Variants in STAU2 observed in about 807,000 individuals in gnomAD.
STAU2 encodes double-stranded RNA-binding protein Staufen homolog 2.
In STAU2, 20 loss-of-function variants were observed where a neutral mutation model predicts 65.9. The observed-to-expected ratio is 0.30, with a 90% confidence interval of 0.21 to 0.44. The LOEUF (loss-of-function observed/expected upper bound fraction) is 0.44, where lower values mean the gene tolerates loss of function less well. Ranked by LOEUF, STAU2 falls within the 20% of genes least tolerant of loss-of-function variation. STAU2 has a pLI of 1.00. For missense variants in STAU2, 558 were observed against 683.9 expected (o/e 0.82, Z 2.05); for synonymous variants, 232 against 233.9 (o/e 0.99, Z 0.07).
chr8:73,461,216 G>T (rs1819332802), intron 13 of STAU2, among the ~76,000 whole-genome samples: 1 of 152,186 alleles, frequency 6.6e-6, no homozygotes, highest in African/African-American at 2.4e-5. Flanking sequence ...TTAGCAGAGT[G>T]CTTGGCACAC....
chr8:73,613,059 T>C (rs1291082221), intron 9 of STAU2, among the ~76,000 whole-genome samples: 2 of 152,234 alleles, frequency 1.3e-5, no homozygotes, highest in Non-Finnish European at 2.9e-5. Flanking sequence ...GTGTGCTCTA[T>C]ATTCTTCTTT....
chr8:73,679,910 C>A (rs1372430984), intron 5 of STAU2, among the ~76,000 whole-genome samples: 1 of 142,656 alleles, frequency 7.0e-6, no homozygotes. Context: ...AAAACAAAAA[C>A]AAAAACAAAA....
At chr8:73,684,289 C>T (rs1035339041) in intron 5 of STAU2, among the ~76,000 whole-genome samples, 5 of 152,062 alleles carry the variant, frequency 3.3e-5, no homozygotes, top group African/African-American at 9.7e-5. Flanking sequence ...GAATAGAGAA[C>T]CCAGAAATAA....
chr8:73,608,927 G>A (rs7832326), intron 9 of STAU2, among the ~76,000 whole-genome samples: 84,958 of 151,920 alleles, frequency 0.56, 26,578 homozygotes, highest in East Asian at 0.74. Flanking sequence ...GCAGTGAGCC[G>A]AGACAGTGCC....
At chr8:73,571,753 T>C (rs1809108636) in intron 12 of STAU2, among the ~76,000 whole-genome samples, 1 of 152,190 alleles carries the variant, frequency 6.6e-6, no homozygotes, top group South Asian at 2.1e-4. Flanking sequence ...AAGCAGTGTA[T>C]AGAGGGAAAT....
intron 13 of STAU2, among the ~76,000 whole-genome samples, chr8:73,521,026 G>A (rs891899901): frequency 2.6e-5 from 4 of 152,044 alleles, no homozygotes; most frequent in African/African-American, 9.7e-5. Context: ...AGACCATCTC[G>A]TACTGCAAAA....
intron 5 of STAU2, among the ~76,000 whole-genome samples, chr8:73,676,838 C>G (rs1818059734): frequency 6.6e-6 from 1 of 152,194 alleles, no homozygotes; most frequent in Non-Finnish European, 1.5e-5. Context: ...TCAAGTGATC[C>G]ACCCACCTTG....
chr8:73,681,586 G>A (rs1818437956), intron 5 of STAU2, among the ~76,000 whole-genome samples: 1 of 152,074 alleles, frequency 6.6e-6, no homozygotes, highest in African/African-American at 2.4e-5. Context: ...AGGTATTGGG[G>A]CAACAACTAG....
intron 13 of STAU2, among the ~76,000 whole-genome samples, chr8:73,468,849 C>T (rs570186378): frequency 1.1e-4 from 16 of 152,200 alleles, no homozygotes; most frequent in African/African-American, 2.9e-4. Context: ...ACTTTTACAC[C>T]GTTGGTGGGA....
intron 6 of STAU2, 134 bp from the exon 7 acceptor site, chr8:73,617,585 CTTT>C: frequency 1.2e-6 from 1 of 828,032 alleles, no homozygotes; most frequent in Non-Finnish European, 1.8e-6. Context: ...CAAAAACATA[CTTT>C]TTTGATAAAA....
intron 13 of STAU2, among the ~76,000 whole-genome samples, chr8:73,504,913 C>T (rs1312107311): frequency 6.6e-6 from 1 of 151,958 alleles, no homozygotes; most frequent in Non-Finnish European, 1.5e-5. Context: ...TGTAACTATT[C>T]AGAAGAAAAA....
At chr8:73,746,099 G>C (rs983346887) in intron 1 of STAU2, among the ~76,000 whole-genome samples, 2 of 152,074 alleles carry the variant, frequency 1.3e-5, no homozygotes, top group African/African-American at 2.4e-5. Flanking sequence ...GTAGGAGTTC[G>C]TAACAGCCAC....
intron 14 of STAU2, 37 bp downstream of exon 14, chr8:73,422,577 T>C: frequency 6.9e-7 from 1 of 1,445,476 alleles, no homozygotes; most frequent in African/African-American, 1.4e-5. Context: ...ACAGTTACAA[T>C]TAAAAGTGTA....
rs1819711906 is a variant in STAU2 at position 73,696,691 on chromosome 8, G to C, written c.115-7878C>G. On this transcript the variant is annotated intron_variant, in intron 4 of 14. Coordinates refer to ENST00000524300, the MANE Select transcript of STAU2 (RefSeq NM_001164380.2). The stretch of plus-strand genomic sequence containing the variant: ...TATTTGAAATTACACAGTTAGAAAA[G>C]ACAAAAGAAAAAAATTAAAAAGCAA... Among the ~76,000 whole-genome samples the C allele has an allele frequency of 2.0e-5, 3 of 151,912 alleles. No individual in the cohort carries two copies. In the South Asian group the frequency reaches 6.2e-4, roughly 32 times the overall value.
intron 6 of STAU2, among the ~76,000 whole-genome samples, chr8:73,637,368 A>G (rs757079307): frequency 4.7e-5 from 7 of 148,288 alleles, no homozygotes; most frequent in Non-Finnish European, 8.9e-5. Flanking sequence ...AAGACATATT[A>G]TTTATGGGGA....
intron 10 of STAU2, among the ~76,000 whole-genome samples, chr8:73,596,997 AG>A (rs774648869): frequency 3.9e-4 from 59 of 152,186 alleles, no homozygotes; most frequent in Non-Finnish European, 7.4e-4. Flanking sequence ...CAGCAAAAGG[AG>A]GGTCTAGAAG....
chr8:73,617,814 G>A (rs1443366727), intron 6 of STAU2, among the ~76,000 whole-genome samples: 1 of 152,126 alleles, frequency 6.6e-6, no homozygotes, highest in African/African-American at 2.4e-5. Context: ...CTGTTCAGGC[G>A]ACAACATGTA....
At chr8:73,574,625 G>T (rs577803238) in intron 12 of STAU2, among the ~76,000 whole-genome samples, 1 of 152,248 alleles carries the variant, frequency 6.6e-6, no homozygotes, top group African/African-American at 2.4e-5. Flanking sequence ...GATAAAGCTG[G>T]AAACCATCAT....
intron 3 of STAU2, among the ~76,000 whole-genome samples, chr8:73,737,518 C>A (rs1806520630): frequency 6.6e-6 from 1 of 151,554 alleles, no homozygotes; most frequent in African/African-American, 2.4e-5. Flanking sequence ...TTAATTACTT[C>A]TCTGTTGATT....
Sources: allele counts gnomAD v4.1 joint callset (sites outside exome capture counted in the v4.1 genomes callset), GRCh38; gene constraint gnomAD v4.1.1; transcripts MANE v1.5; gene names NCBI Gene and HGNC (gene_info 2026-07-23, HGNC 2026-07-21).